Variants in CNTNAP5 observed in about 807,000 individuals in gnomAD.
CNTNAP5 encodes contactin associated protein family member 5.
CNTNAP5 carries 72 observed loss-of-function variants against 150.2 expected under a neutral mutation model. The observed-to-expected ratio is 0.48, with a 90% CI of 0.40 to 0.58. The LOEUF is 0.58. Ranked by LOEUF, CNTNAP5 falls within the 20% of genes least tolerant of loss-of-function variation. The pLI is 0.00. For missense variants in CNTNAP5, 1,636 were observed against 1,626.2 expected, an observed-to-expected ratio of 1.01 and a Z score of -0.10; for synonymous variants, 672 against 619.8, an observed-to-expected ratio of 1.08 and a Z score of -1.25.
chr2:124,170,373 T>C (rs1398133843), intron 1 of CNTNAP5, among the ~76,000 whole-genome samples: 1 of 152,214 alleles, frequency 6.6e-6, no homozygotes, highest in African/African-American at 2.4e-5. Flanking sequence ...TTTGACTTGT[T>C]CATTTGGCAT....
chr2:124,566,390 C>T (rs1251465008), intron 11 of CNTNAP5, among the ~76,000 whole-genome samples: 1 of 152,068 alleles, frequency 6.6e-6, no homozygotes, highest in Non-Finnish European at 1.5e-5. Flanking sequence ...CTTTAATTTA[C>T]TTCATCCATC....
intron 1 of CNTNAP5, among the ~76,000 whole-genome samples, chr2:124,120,277 CA>C (rs1216626660): frequency 2.6e-5 from 4 of 152,196 alleles, no homozygotes; most frequent in African/African-American, 9.6e-5. Flanking sequence ...GGCTGAGCTG[CA>C]AAGGATAGAG....
intron 3 of CNTNAP5, among the ~76,000 whole-genome samples, chr2:124,404,353 A>C (rs560521692): frequency 6.6e-6 from 1 of 152,354 alleles, no homozygotes; most frequent in East Asian, 1.9e-4. Context: ...GTCAAAGTCA[A>C]CAGTGTAGGT....
intron 19 of CNTNAP5, among the ~76,000 whole-genome samples, chr2:124,804,020 T>A (rs1363964574): frequency 6.6e-6 from 1 of 152,226 alleles, no homozygotes; most frequent in Non-Finnish European, 1.5e-5. Flanking sequence ...CCTGACCACT[T>A]CAGTCTCTGG....
chr2:124,158,671 T>C (rs1478560396), intron 1 of CNTNAP5, among the ~76,000 whole-genome samples: 1 of 152,242 alleles, frequency 6.6e-6, no homozygotes, highest in Non-Finnish European at 1.5e-5. Flanking sequence ...TATGATAGCT[T>C]TCTTTTCTTG....
intron 4 of CNTNAP5, among the ~76,000 whole-genome samples, chr2:124,433,691 TAAAAAAATAGA>T (rs1692449962): frequency 6.6e-6 from 1 of 151,362 alleles, no homozygotes; most frequent in Non-Finnish European, 1.5e-5. Context: ...TTTTTGTAAT[TAAAAAAATAGA>T]AAAAAAAACC....
At chr2:124,260,707 C>T (rs181812442) in intron 3 of CNTNAP5, among the ~76,000 whole-genome samples, 7 of 152,250 alleles carry the variant, frequency 4.6e-5, no homozygotes, top group Admixed American at 3.9e-4. Context: ...CATCATAAAA[C>T]AAATGGTTTT....
At chr2:124,140,008 G>C (rs537630077) in intron 1 of CNTNAP5, among the ~76,000 whole-genome samples, 42 of 152,234 alleles carry the variant, frequency 2.8e-4, no homozygotes, top group Non-Finnish European at 3.8e-4. Flanking sequence ...TTCCCTTTCC[G>C]AGTCAAAGAA....
intron 12 of CNTNAP5, among the ~76,000 whole-genome samples, chr2:124,645,075 A>G (rs1467449129): frequency 6.6e-6 from 1 of 152,210 alleles, no homozygotes; most frequent in South Asian, 2.1e-4. Context: ...AAAACTGTCC[A>G]TCTTTATTTC....
In CNTNAP5 at chr2:124,206,775, T is replaced by C. The variant is rs182069830; in HGVS notation, c.83-14930T>C. ...AGAAGCTCTGTCCCAGGGAGTACCC[T>C]AGAAAATCAAAAGCTGTTTCCTGGG... On this transcript the variant is annotated intron_variant, in intron 1 of 23. Transcript: ENST00000682447. Among the ~76,000 whole-genome samples, 162 of 152,238 alleles carry C rather than the reference T, an allele frequency of 1.1e-3. 1 individual carries two copies. In the Middle Eastern group the frequency reaches 0.034, roughly 32 times the overall value.
At chr2:124,196,869 G>A (rs1459970022) in intron 1 of CNTNAP5, among the ~76,000 whole-genome samples, 3 of 152,166 alleles carry the variant, frequency 2.0e-5, no homozygotes, top group Non-Finnish European at 4.4e-5. Flanking sequence ...GCATTACATA[G>A]ATGCTGCTTA....
chr2:124,660,573 T>C (rs552145288), intron 13 of CNTNAP5, among the ~76,000 whole-genome samples: 18 of 152,294 alleles, frequency 1.2e-4, no homozygotes, highest in African/African-American at 4.3e-4. Context: ...TTTTAACATG[T>C]AATTAGTAAA....
intron 22 of CNTNAP5, among the ~76,000 whole-genome samples, chr2:124,904,635 G>C (rs1678489860): frequency 6.6e-6 from 1 of 152,004 alleles, no homozygotes; most frequent in Non-Finnish European, 1.5e-5. Context: ...AGAAAATGTT[G>C]CTTATTCAAT....
At chr2:124,659,924 A>G (rs1267594010) in intron 13 of CNTNAP5, among the ~76,000 whole-genome samples, 1 of 152,144 alleles carries the variant, frequency 6.6e-6, no homozygotes, top group Admixed American at 6.5e-5. Flanking sequence ...ACTGACCCTC[A>G]GAGAATGGGG....
At chr2:124,876,516 G>A (rs1194230792) in intron 21 of CNTNAP5, among the ~76,000 whole-genome samples, 3 of 151,760 alleles carry the variant, frequency 2.0e-5, no homozygotes, top group Admixed American at 1.3e-4. Context: ...TGGCTCATTT[G>A]GGGAAAGGAT....
At chr2:124,577,921 G>A (rs1696325699) in intron 11 of CNTNAP5, among the ~76,000 whole-genome samples, 1 of 152,046 alleles carries the variant, frequency 6.6e-6, no homozygotes, top group Non-Finnish European at 1.5e-5. Flanking sequence ...AAATAATGAT[G>A]ATAGACAAAA....
At chr2:124,066,560 G>A (rs1243776438) in intron 1 of CNTNAP5, among the ~76,000 whole-genome samples, 1 of 151,974 alleles carries the variant, frequency 6.6e-6, no homozygotes, top group Non-Finnish European at 1.5e-5. Context: ...CCTTCGATGT[G>A]AAGACCCCAC....
At chr2:124,230,445 T>C (rs1184930) in intron 2 of CNTNAP5, among the ~76,000 whole-genome samples, 118,953 of 151,746 alleles carry the variant, frequency 0.78, 46,861 homozygotes, top group East Asian at 1. Context: ...TTAAGCCCCA[T>C]AGAATATATA....
chr2:124,790,232 T>C (rs1404846255), intron 18 of CNTNAP5, 91 bp downstream of exon 18: 17 of 1,318,732 alleles, frequency 1.3e-5, no homozygotes, highest in African/African-American at 3.0e-5. Flanking sequence ...TCTGAGACAG[T>C]CTTTATCATC....
Sources: gnomAD v4.1 joint callset for allele counts (sites outside exome capture counted in the v4.1 genomes callset) on GRCh38, gnomAD v4.1.1 for gene constraint, MANE v1.5 for transcripts, NCBI Gene and HGNC (gene_info 2026-07-23, HGNC 2026-07-21) for gene names.